The following NAA16 variants were observed in gnomAD, a reference collection of about 807,000 sequenced individuals.
NAA16 encodes the protein N-alpha-acetyltransferase 16, NatA auxiliary subunit, also known as NARG1-like protein.
NAA16 carries 97 observed loss-of-function variants against 110.3 expected under a neutral mutation model. The ratio of observed to expected loss-of-function variants is 0.88; its 90% CI spans 0.75 to 1.04. NAA16 has a LOEUF of 1.04. Among genes scored for constraint, NAA16 ranks in the 50% least tolerant of loss-of-function variants. NAA16 has a pLI of 0.00. For missense variants in NAA16, 1,017 were observed against 1,005.1 expected, an observed-to-expected ratio of 1.01 and a Z score of -0.16; for synonymous variants, 372 against 330.6, an observed-to-expected ratio of 1.13 and a Z score of -1.36.
intron 13 of NAA16, among the ~76,000 whole-genome samples, chr13:41,364,314 C>G (rs2043168792): frequency 6.6e-6 from 1 of 152,102 alleles, no homozygotes; most frequent in South Asian, 2.1e-4. Flanking sequence ...AGTCAGGATA[C>G]ATACTGCTTT....
Position 41,336,767 on chromosome 13 carries a change from G to T in NAA16, c.1014+11G>T, listed in dbSNP as rs1486502124. ...TACAATACAGAAAAGGTAAAATTTG[G>T]TATTTATTCAGATTTGCTATAGTCT... On this transcript the variant is annotated intron_variant, in intron 9 of 19. Coordinates refer to ENST00000379406, the MANE Select transcript of NAA16 (RefSeq NM_024561.5). 6.7e-7 allele frequency: 1 copy of T among 1,491,222 alleles called. No homozygotes were observed. The highest frequency in any genetic ancestry group is 9.2e-7 in the Non-Finnish European group (1 of 1,082,272). The allele number at this position is 1,491,222 out of a possible 1,614,324, so 92.4% of individuals were successfully genotyped here.
At chr13:41,361,717 G>A (rs992546722) in intron 12 of NAA16, among the ~76,000 whole-genome samples, 1 of 152,202 alleles carries the variant, frequency 6.6e-6, no homozygotes, top group Non-Finnish European at 1.5e-5. Context: ...GTGGGATAGA[G>A]TGGGATGGTG....
chr13:41,336,862 G>A (rs757299782), intron 9 of NAA16, 106 bp downstream of exon 9: 5 of 590,672 alleles, frequency 8.5e-6, no homozygotes, highest in Non-Finnish European at 1.4e-5. Context: ...CTTTGTTTCA[G>A]TAATGTTACC....
intron 9 of NAA16, among the ~76,000 whole-genome samples, chr13:41,342,464 T>G (rs902191287): frequency 6.6e-6 from 1 of 152,210 alleles, no homozygotes; most frequent in African/African-American, 2.4e-5. Flanking sequence ...TATGAATAAT[T>G]GCTTACTGGC....
At position 41,367,553 on chromosome 13, in the gene NAA16, G is replaced by A; in HGVS notation, c.1654G>A (p.Ala552Thr). 1 of 1,612,992 alleles carries A rather than the reference G, an allele frequency of 6.2e-7. No individual in the cohort carries two copies. The highest frequency in any genetic ancestry group is 8.5e-7 in the Non-Finnish European group (1 of 1,179,454). Reference sequence around the variant, plus strand: ...ATTAGAAGATATACTCAGAAGACATGCCTTTTATTTCAAGGCTGCTAGATC... The same window carrying A: ...ATTAGAAGATATACTCAGAAGACATACCTTTTATTTCAAGGCTGCTAGATC... ...LRLEDILRRH[A>T]FYFKAARSAI... Residue 552 changes from alanine to threonine, a missense_variant, in exon 14 of 20, where the codon GCC (alanine) becomes ACC (threonine). Transcript: ENST00000379406.
intron 13 of NAA16, 179 bp downstream of exon 13, chr13:41,362,338 A>C (rs1175130121): frequency 1.6e-5 from 9 of 577,942 alleles, no homozygotes; most frequent in Admixed American, 3.8e-5. Context: ...ACTGATCCTC[A>C]AGTGATTATG....
At chr13:41,311,739 C>A (rs976367802) in intron 1 of NAA16, among the ~76,000 whole-genome samples, 157 bp downstream of exon 1, 1 of 152,232 alleles carries the variant, frequency 6.6e-6, no homozygotes, top group Non-Finnish European at 1.5e-5. Flanking sequence ...CTTTCCCGCT[C>A]CGGCCGGCCC....
At chr13:41,352,008 T>C (rs2042848776) in intron 9 of NAA16, among the ~76,000 whole-genome samples, 1 of 152,234 alleles carries the variant, frequency 6.6e-6, no homozygotes, top group Non-Finnish European at 1.5e-5. Flanking sequence ...TTAACTTTCA[T>C]AGAAAATTTA....
Position 41,318,792 on chromosome 13 carries a change from A to G in NAA16, c.140-14A>G. 6.8e-7 allele frequency: 1 copy of G among 1,464,026 alleles called. No homozygotes were observed. Among genetic ancestry groups the G allele is most frequent in the Non-Finnish European group, 9.3e-7 (1 of 1,079,684 alleles). The allele number at this position is 1,464,026 out of a possible 1,614,324, so 90.7% of individuals were successfully genotyped here. A position where few individuals can be genotyped will look rare whatever the true frequency, so the allele number is the denominator to read the frequency against. ...TGTGTCATTTGTAAATAGAGTTTAA[A>G]AATTATTTTTCAGAGACTTTGGCTA... On this transcript the variant is annotated splice_polypyrimidine_tract_variant and intron_variant, in intron 2 of 19. Coordinates refer to ENST00000379406, the MANE Select transcript of NAA16 (RefSeq NM_024561.5).
At chr13:41,369,476 A>G (rs2043273624) in intron 15 of NAA16, among the ~76,000 whole-genome samples, 193 bp downstream of exon 15, 1 of 152,202 alleles carries the variant, frequency 6.6e-6, no homozygotes, top group Non-Finnish European at 1.5e-5. Context: ...TAGAATTGCA[A>G]TTGTGGTAGG....
Position 41,375,686 on chromosome 13 carries a change from A to C in NAA16, c.*84A>C. The C allele has an allele frequency of 1.0e-6, 1 of 990,208 alleles. No individual in the cohort carries two copies. Among genetic ancestry groups the C allele is most frequent in the South Asian group, 1.9e-5 (1 of 53,910 alleles). The allele number at this position is 990,208 out of a possible 1,614,324, so 61.3% of individuals were successfully genotyped here. A position where few individuals can be genotyped will look rare whatever the true frequency, so the allele number is the denominator to read the frequency against. ...TTCCAGGGTGCATTTTAATATACGT[A>C]TGAAATGAAATATTTGGTTAGGATT... On this transcript the variant is annotated 3_prime_UTR_variant, in exon 20 of 20. Transcript: ENST00000379406.
In NAA16 at chr13:41,324,087, A is replaced by G. The variant is rs112871960; in HGVS notation, c.537+897A>G. 1.8e-4 allele frequency among the ~76,000 whole-genome samples: 27 copies of G among 152,108 alleles called. 1 individual carries two copies. Among genetic ancestry groups the G allele is most frequent in the African/African-American group, 6.3e-4 (26 of 41,504 alleles). On this transcript the variant is annotated intron_variant, in intron 5 of 19. Coordinates refer to ENST00000379406, the MANE Select transcript of NAA16 (RefSeq NM_024561.5). ...GTTGAAATCTTAAATAGTATCTTCT[A>G]TTTATGGGTTTTTATATTTTTTAAT... is the stretch of plus-strand genomic sequence containing the variant.
At chr13:41,342,381 G>T (rs530437769) in intron 9 of NAA16, among the ~76,000 whole-genome samples, 2 of 152,228 alleles carry the variant, frequency 1.3e-5, no homozygotes, top group African/African-American at 4.8e-5. Flanking sequence ...CAAGCAATCC[G>T]CCATCCTTGG....
chr13:41,315,888 G>A (rs1209790922), intron 1 of NAA16, among the ~76,000 whole-genome samples: 2 of 151,992 alleles, frequency 1.3e-5, no homozygotes, highest in Non-Finnish European at 2.9e-5. Flanking sequence ...TCCCACCTCA[G>A]CCTCCCAAGC....
At chr13:41,320,915 T>C (rs978083053) in intron 4 of NAA16, 91 bp downstream of exon 4, 2 of 1,143,800 alleles carry the variant, frequency 1.7e-6, no homozygotes, top group Non-Finnish European at 2.4e-6. Flanking sequence ...TAAGCCAAAA[T>C]CAAGTAGATT....
intron 5 of NAA16, among the ~76,000 whole-genome samples, 168 bp downstream of exon 5, chr13:41,323,358 T>G (rs999841088): frequency 6.6e-6 from 1 of 151,910 alleles, no homozygotes; most frequent in Non-Finnish European, 1.5e-5. Context: ...TCTCTCTTTT[T>G]TTTTTTTTCC....
rs1189586262 is a variant in NAA16 at position 41,367,605 on chromosome 13, A to G, written c.1706A>G (p.Tyr569Cys). Reference sequence around the variant, plus strand: ...GCGATTGAAATATACTTGAAATTGTATGATAATCCCTTAACCAATGAAAGC... The same window carrying G: ...GCGATTGAAATATACTTGAAATTGTGTGATAATCCCTTAACCAATGAAAGC... Reference protein sequence around the residue: ...RSAIEIYLKLYDNPLTNESKQ... With the variant: ...RSAIEIYLKLCDNPLTNESKQ... The change falls in exon 14 of 20, where the codon TAT becomes TGT. Residue 569 changes from tyrosine to cysteine, a missense_variant. Physicochemically the swap from Tyr to Cys is radical, Grantham distance 194. Transcript: ENST00000379406. 6 of 1,613,088 alleles carry G rather than the reference A, an allele frequency of 3.7e-6. No individual in the cohort carries two copies. The highest frequency in any genetic ancestry group is 5.1e-6 in the Non-Finnish European group (6 of 1,179,584).
intron 9 of NAA16, among the ~76,000 whole-genome samples, chr13:41,341,912 A>G (rs1179290134): frequency 1.3e-5 from 2 of 150,748 alleles, no homozygotes; most frequent in Non-Finnish European, 2.9e-5. Context: ...GCTCACTGCA[A>G]GCTCCACCTC....
chr13:41,325,685 CA>C lies in NAA16; in HGVS notation c.538-12del, dbSNP rs767986015. 5.0e-5 allele frequency: 76 copies of C among 1,524,480 alleles called. No individual in the cohort carries two copies. The African/African-American group carries it at 6.7e-4, about 13-fold the overall frequency. The allele number at this position is 1,524,480 out of a possible 1,614,324, so 94.4% of individuals were successfully genotyped here. ...AATTATACAAATAAAGTAATTTGGT[CA>C]TTTTTTTTCAGGTTCCTCCAAACAA... is the stretch of plus-strand genomic sequence containing the variant. On this transcript the variant is annotated splice_polypyrimidine_tract_variant and intron_variant, in intron 5 of 19. Transcript: ENST00000379406.
Sources: gnomAD v4.1 joint callset for allele counts (sites outside exome capture counted in the v4.1 genomes callset) on GRCh38, gnomAD v4.1.1 for gene constraint, MANE v1.5 for transcripts, NCBI Gene and HGNC (gene_info 2026-07-23, HGNC 2026-07-21) for gene names.